SPTAN1: variants seen among roughly 807,000 people sequenced by gnomAD.
The protein encoded by SPTAN1 is spectrin alpha chain, non-erythrocytic 1.
A neutral mutation model predicts 331.3 loss-of-function variants in SPTAN1; 61 were observed. The observed-to-expected ratio is 0.18, with a 90% CI of 0.15 to 0.23. The LOEUF is 0.23. Among genes scored for constraint, SPTAN1 ranks in the 10% least tolerant of loss-of-function variants. SPTAN1 has a pLI of 1.00. For missense variants in SPTAN1, 2,043 were observed against 3,147.9 expected, an observed-to-expected ratio of 0.65 and a Z score of 8.40; for synonymous variants, 1,153 against 1,173.9, an observed-to-expected ratio of 0.98 and a Z score of 0.36.
At chr9:128,631,059 G>A (rs934385767) in intron 52 of SPTAN1, among the ~76,000 whole-genome samples, 3 of 151,974 alleles carry the variant, frequency 2.0e-5, no homozygotes, top group South Asian at 2.1e-4. Context: ...TGGCCAGGCC[G>A]GTCTGGAACT....
rs1396064215 is a variant in SPTAN1, at chr9:128,583,724, A to G, written c.2012-64A>G. The G allele has an allele frequency of 1.9e-6, 3 of 1,548,938 alleles. No homozygotes were observed. In the East Asian group the frequency reaches 6.7e-5, roughly 35 times the overall value. ...GTCCTTCACTAAGATACTACTGTTC[A>G]TGGGCAGTGTTGGCAGAAGGGTAAT... On this transcript the variant is annotated intron_variant, in intron 15 of 56. Transcript: ENST00000372739.
intron 11 of SPTAN1, 61 bp from the exon 12 acceptor site, chr9:128,581,719 TCA>T: frequency 1.5e-6 from 2 of 1,352,588 alleles, no homozygotes; most frequent in Non-Finnish European, 1.1e-6. Context: ...ACCCTTTGCT[TCA>T]CAGTCTTAGA....
At chr9:128,615,954 G>T in intron 41 of SPTAN1, 114 bp downstream of exon 41, 1 of 1,152,888 alleles carries the variant, frequency 8.7e-7, no homozygotes, top group East Asian at 2.5e-5. Flanking sequence ...TGGGATCCCA[G>T]CTTGGGCACA....
At position 128,625,926 on chromosome 9, in the gene SPTAN1, A is replaced by G. The variant is rs1858665947; in HGVS notation, c.6227A>G (p.Asn2076Ser). The G allele has an allele frequency of 6.2e-7, 1 of 1,614,156 alleles. No individual in the cohort carries two copies. Among genetic ancestry groups the G allele is most frequent in the Admixed American group, 1.7e-5 (1 of 60,030 alleles). ...LMKRWSQLLA[N>S]SAARKKKLLE... ...AAGAGGTGGAGCCAGCTTCTGGCCA[A>G]CTCAGCCGCCCGCAAGAAGAAGCTT... Residue 2076 changes from asparagine to serine, a missense_variant, in exon 48 of 57, where the codon AAC becomes AGC. This residue lies in a region of SPTAN1 where 256 missense variants were observed against 376.4 expected (regional missense o/e 0.68). Coordinates refer to ENST00000372739, the MANE Select transcript of SPTAN1 (RefSeq NM_001130438.3). This position sits in a 1 kb window ranked among gnomAD's most constrained non-coding sequence, Gnocchi z 4.1.
chr9:128,561,074 A>G (rs961265627), intron 1 of SPTAN1, among the ~76,000 whole-genome samples: 1 of 151,116 alleles, frequency 6.6e-6, no homozygotes, highest in African/African-American at 2.4e-5. Flanking sequence ...ACAGCCATCA[A>G]TAAATAATAT....
At chr9:128,590,580 G>T (rs1853349863) in intron 21 of SPTAN1, among the ~76,000 whole-genome samples, 1 of 149,746 alleles carries the variant, frequency 6.7e-6, no homozygotes, top group Non-Finnish European at 1.5e-5. Context: ...GGCCAGGCGT[G>T]GTGGTTCACG....
rs375199636 is a variant in SPTAN1, at chr9:128,612,153, A to G, written c.4950A>G (p.Gln1650=). Residue 1650 remains glutamine (Q), a synonymous_variant, in exon 39 of 57, where the codon CAA becomes CAG. Transcript: ENST00000372739. Reference sequence around the variant, plus strand: ...CTGACCAGTGGCAGTTCTTGGTGCAAAAGTCAGCGGAAAAGAGCCAGAAAC... The same window carrying G: ...CTGACCAGTGGCAGTTCTTGGTGCAGAAGTCAGCGGAAAAGAGCCAGAAAC... ...ALADQWQFLV[Q]KSAEKSQKLK... 1.4e-5 allele frequency: 23 copies of G among 1,613,964 alleles called. No individual in the cohort carries two copies. Among genetic ancestry groups the G allele is most frequent in the Middle Eastern group, 1.6e-4 (1 of 6,084 alleles).
Position 128,628,096 on chromosome 9 carries a change from G to T in SPTAN1, c.6707+154G>T, listed in dbSNP as rs531687124. The T allele has an allele frequency of 1.2e-4, 120 of 963,546 alleles. No individual in the cohort carries two copies. The South Asian group carries it at 1.5e-3, about 12-fold the overall frequency. 59.7% of individuals were successfully genotyped at this position (963,546 alleles called of 1,614,324 possible). On this transcript the variant is annotated intron_variant, in intron 51 of 56. Transcript: ENST00000372739. ...CACCCTTCTCGTCACCTGATGAGGA[G>T]TGTGTGCCTTGCCCCATAGCCCATG...
At chr9:128,601,813 CTG>C (rs1055784127) in intron 27 of SPTAN1, among the ~76,000 whole-genome samples, 6 of 152,208 alleles carry the variant, frequency 3.9e-5, no homozygotes, top group African/African-American at 1.4e-4. Flanking sequence ...TGAGAGGGGT[CTG>C]TGTCTTGTGG....
At chr9:128,587,078 C>T (rs1236260712) in intron 19 of SPTAN1, among the ~76,000 whole-genome samples, 1 of 152,160 alleles carries the variant, frequency 6.6e-6, no homozygotes, top group South Asian at 2.1e-4. Flanking sequence ...GCCTCAGCCT[C>T]GCAAAGTCCT....
In SPTAN1 at chr9:128,629,560, G is replaced by A. The variant is rs762808132; in HGVS notation, c.6708-761G>A. On this transcript the variant is annotated intron_variant, in intron 51 of 56. Transcript: ENST00000372739. The surrounding 1 kb of genome is among the most constrained non-coding windows in gnomAD (Gnocchi z 4.9). ...AAACCCCACCAAGGCCACACGCACC[G>A]TGTGATTCGTCCCTGCACGTAACCC... 10 of 196,848 alleles carry A rather than the reference G, an allele frequency of 5.1e-5. No individual in the cohort carries two copies. The highest frequency in any genetic ancestry group is 1.8e-4 in the African/African-American group (8 of 43,302). The allele number at this position is 196,848 out of a possible 1,614,324, so 12.2% of individuals were successfully genotyped here.
intron 1 of SPTAN1, among the ~76,000 whole-genome samples, chr9:128,556,300 AC>A (rs201100676): frequency 4.7e-4 from 70 of 148,470 alleles, no homozygotes; most frequent in Admixed American, 6.1e-4. Flanking sequence ...GACCTTTTTC[AC>A]AAAAAAAAAA....
rs377366729 is a variant in SPTAN1 at position 128,611,856 on chromosome 9, C to G, written c.4905+11C>G. ...GAGGATGCTGTCAAGGTATGGCCCA[C>G]CAGCTCCCGGTGCCCAGGGAGGAAG... On this transcript the variant is annotated intron_variant, in intron 38 of 56. Coordinates refer to ENST00000372739, the MANE Select transcript of SPTAN1 (RefSeq NM_001130438.3). 1.2e-6 allele frequency: 2 copies of G among 1,614,152 alleles called. No individual in the cohort carries two copies. Among genetic ancestry groups the G allele is most frequent in the African/African-American group, 2.7e-5 (2 of 75,034 alleles).
At chr9:128,567,081 G>A in intron 2 of SPTAN1, 104 bp downstream of exon 2, 1 of 1,507,626 alleles carries the variant, frequency 6.6e-7, no homozygotes. Flanking sequence ...TGAGAGATTG[G>A]ACAAGAAGAA....
intron 51 of SPTAN1, chr9:128,628,295 C>CA: frequency 7.1e-6 from 3 of 424,842 alleles, no homozygotes; most frequent in South Asian, 5.9e-5. Context: ...GTTGGGCTCT[C>CA]ACCTCTGCTT....
intron 11 of SPTAN1, 145 bp downstream of exon 11, chr9:128,581,204 C>T (rs10988048): frequency 8.7e-7 from 1 of 1,147,088 alleles, no homozygotes; most frequent in Non-Finnish European, 1.2e-6. Context: ...GCAAGCTTCT[C>T]TCAGCTCTGC....
intron 18 of SPTAN1, 126 bp downstream of exon 18, chr9:128,584,969 T>C (rs930466200): frequency 1.7e-6 from 2 of 1,149,614 alleles, no homozygotes; most frequent in African/African-American, 3.0e-5. Context: ...CATTCTTTCC[T>C]AACTGTATGA....
rs1589416595 is a variant in SPTAN1 at position 128,632,312 on chromosome 9, G to A, written c.6948G>A (p.Gln2316=). The A allele has an allele frequency of 6.2e-7, 1 of 1,613,626 alleles. No homozygotes were observed. Among genetic ancestry groups the A allele is most frequent in the Non-Finnish European group, 8.5e-7 (1 of 1,179,998 alleles). ...GMRMQHNLEQ[Q]IQARNTTGVT... ...GCATGCAGCACAACCTGGAGCAGCA[G>A]ATCCAGGCCAGGTACCCGGGAGGGC... Residue 2316 remains glutamine (Q), a synonymous_variant, in exon 53 of 57, where the codon CAG becomes CAA. Coordinates refer to ENST00000372739, the MANE Select transcript of SPTAN1 (RefSeq NM_001130438.3).
intron 3 of SPTAN1, among the ~76,000 whole-genome samples, chr9:128,573,581 C>T (rs1409770989): frequency 4.0e-5 from 6 of 151,858 alleles, no homozygotes; most frequent in African/African-American, 7.2e-5. Context: ...CTCAGCCTCC[C>T]GAGTAGCTGG....
Sources: allele counts gnomAD v4.1 joint callset (sites outside exome capture counted in the v4.1 genomes callset), GRCh38; gene constraint gnomAD v4.1.1; regional missense constraint gnomAD v4.1.1; non-coding constraint Gnocchi (gnomAD v3.1); transcripts MANE v1.5; gene names NCBI Gene and HGNC (gene_info 2026-07-23, HGNC 2026-07-21).